TRPM3: variants seen among roughly 807,000 people sequenced by gnomAD.
TRPM3 encodes the protein transient receptor potential cation channel subfamily M member 3.
In TRPM3, 77 loss-of-function variants were observed where a neutral mutation model predicts 181.2. The ratio of observed to expected loss-of-function variants is 0.42; its 90% CI spans 0.35 to 0.51. TRPM3 has a LOEUF of 0.51. Ranked by LOEUF, TRPM3 falls within the 20% of genes least tolerant of loss-of-function variation. The probability of loss-of-function intolerance (pLI) is 0.01; values close to 1 mark genes in which losing one functional copy is unlikely to be tolerated. For missense variants in TRPM3, 1,759 were observed against 2,196.7 expected, an observed-to-expected ratio of 0.80 and a Z score of 3.98; for synonymous variants, 745 against 796.4, an observed-to-expected ratio of 0.94 and a Z score of 1.09.
chr9:71,130,255 A>C (rs527820454), intron 1 of TRPM3, among the ~76,000 whole-genome samples: 13 of 152,294 alleles, frequency 8.5e-5, no homozygotes, highest in Middle Eastern at 6.8e-3. Flanking sequence ...TAAAAAGTAA[A>C]ATGTGTTTTT....
At chr9:71,093,807 A>G (rs1346897440) in intron 1 of TRPM3, among the ~76,000 whole-genome samples, 1 of 152,150 alleles carries the variant, frequency 6.6e-6, no homozygotes, top group Non-Finnish European at 1.5e-5. Context: ...TTGCAGCACT[A>G]TTTACAATAG....
chr9:71,144,488 A>G (rs1032770082), intron 1 of TRPM3, among the ~76,000 whole-genome samples: 14 of 152,118 alleles, frequency 9.2e-5, no homozygotes, highest in African/African-American at 3.4e-4. Context: ...TACCCTTAAG[A>G]TAAGAAGAAT....
At chr9:70,638,136 G>T (rs773143030) in intron 11 of TRPM3, among the ~76,000 whole-genome samples, 11 of 152,124 alleles carry the variant, frequency 7.2e-5, no homozygotes, top group Non-Finnish European at 1.6e-4. Context: ...CAGGCCTTTT[G>T]CCCTCTGTCT....
intron 1 of TRPM3, among the ~76,000 whole-genome samples, chr9:71,388,517 A>T (rs2092982693): frequency 6.6e-6 from 1 of 152,188 alleles, no homozygotes; most frequent in African/African-American, 2.4e-5. Context: ...AGCCAATGAC[A>T]GTATGAAAAA....
intron 1 of TRPM3, among the ~76,000 whole-genome samples, chr9:71,242,176 T>C (rs1041229839): frequency 6.6e-6 from 1 of 152,208 alleles, no homozygotes; most frequent in Non-Finnish European, 1.5e-5. Context: ...AGTATCAGGC[T>C]ATGCACAATG....
chr9:70,631,075 G>A (rs980409142), intron 12 of TRPM3, among the ~76,000 whole-genome samples: 2 of 152,098 alleles, frequency 1.3e-5, no homozygotes, highest in African/African-American at 2.4e-5. Context: ...AAATGATTGC[G>A]GTTGTCAGGT....
Position 70,529,322 on chromosome 9 carries a change from G to A in TRPM3, c.*6631C>T, listed in dbSNP as rs2040549476. 6.6e-6 allele frequency: 1 copy of A among 152,152 alleles called. No homozygotes were observed. The highest frequency in any genetic ancestry group is 6.5e-5 in the Admixed American group (1 of 15,272). The allele number at this position is 152,152 out of a possible 1,614,324, so 9.4% of individuals were successfully genotyped here. On this transcript the variant is annotated 3_prime_UTR_variant, in exon 26 of 26. Transcript: ENST00000677713. ...GAAGGAAAAGATGTATATATATTCA[G>A]CAAACCCAATTTTAAAACCATTGTA...
intron 1 of TRPM3, among the ~76,000 whole-genome samples, chr9:70,994,554 G>A (rs1312166803): frequency 6.6e-6 from 1 of 151,558 alleles, no homozygotes; most frequent in Non-Finnish European, 1.5e-5. Context: ...GTTTCCTGAA[G>A]CTGGCTCTGC....
intron 1 of TRPM3, among the ~76,000 whole-genome samples, chr9:71,288,865 A>T (rs12005903): frequency 0.067 from 10,129 of 151,914 alleles, 466 homozygotes; most frequent in African/African-American, 0.13. Flanking sequence ...CAAAAATAAA[A>T]CCTCCTGTAG....
chr9:71,378,894 A>G (rs565369533), intron 1 of TRPM3, among the ~76,000 whole-genome samples: 2 of 152,112 alleles, frequency 1.3e-5, no homozygotes, highest in South Asian at 4.1e-4. Context: ...ACTATCTCTG[A>G]AACACAGTGA....
At chr9:70,606,832 T>TAAC (rs200740971) in intron 19 of TRPM3, among the ~76,000 whole-genome samples, 1,758 of 152,184 alleles carry the variant, frequency 0.012, 33 homozygotes, top group African/African-American at 0.04. Context: ...CTTCTTAAAC[T>TAAC]AACTATCAAA....
chr9:71,357,320 A>C (rs1466971111), intron 1 of TRPM3, among the ~76,000 whole-genome samples: 1 of 152,184 alleles, frequency 6.6e-6, no homozygotes, highest in Non-Finnish European at 1.5e-5. Context: ...ATGAAACCAA[A>C]GTTGTGATAT....
chr9:71,400,128 C>A (rs992289130), intron 1 of TRPM3, among the ~76,000 whole-genome samples: 2 of 152,114 alleles, frequency 1.3e-5, no homozygotes, highest in African/African-American at 4.8e-5. Context: ...AACTACATTA[C>A]AGAATCATGT....
intron 1 of TRPM3, among the ~76,000 whole-genome samples, chr9:71,052,643 C>T (rs944434605): frequency 3.9e-5 from 6 of 152,002 alleles, no homozygotes; most frequent in Non-Finnish European, 7.4e-5. Context: ...CTTGCTGCCA[C>T]GTCCATTCAA....
chr9:71,434,004 A>G (rs2093995637), intron 1 of TRPM3, among the ~76,000 whole-genome samples: 1 of 151,838 alleles, frequency 6.6e-6, no homozygotes, highest in Non-Finnish European at 1.5e-5. Context: ...AAAAATACGA[A>G]AAAAATTAGC....
At chr9:71,173,048 G>A (rs1036855656) in intron 1 of TRPM3, among the ~76,000 whole-genome samples, 2 of 152,134 alleles carry the variant, frequency 1.3e-5, no homozygotes, top group African/African-American at 4.8e-5. Flanking sequence ...AACTCATAAA[G>A]TCTTCCTCCT....
intron 1 of TRPM3, among the ~76,000 whole-genome samples, chr9:71,061,066 G>C (rs2061275275): frequency 1.3e-5 from 2 of 151,994 alleles, no homozygotes; most frequent in African/African-American, 4.8e-5. Context: ...ACAAGTGTCG[G>C]CCAGGGTGAG....
At chr9:71,446,243 C>T (rs1030853499) in intron 1 of TRPM3, among the ~76,000 whole-genome samples, 4 of 152,132 alleles carry the variant, frequency 2.6e-5, no homozygotes, top group Admixed American at 6.5e-5. Context: ...ATATGGCATG[C>T]CCTTTCTATT....
intron 1 of TRPM3, among the ~76,000 whole-genome samples, chr9:70,897,664 A>C (rs1272933242): frequency 3.3e-5 from 5 of 152,194 alleles, no homozygotes; most frequent in Non-Finnish European, 1.5e-5. Context: ...TCCAACTGGG[A>C]GAAGAAACTG....
Sources: allele counts gnomAD v4.1 joint callset (sites outside exome capture counted in the v4.1 genomes callset), GRCh38; gene constraint gnomAD v4.1.1; transcripts MANE v1.5; gene names NCBI Gene and HGNC (gene_info 2026-07-23, HGNC 2026-07-21).